SHISA9: variants seen among roughly 807,000 people sequenced by gnomAD.
SHISA9 encodes shisa family member 9, also known as protein shisa-9.
SHISA9 carries 13 observed loss-of-function variants against 38.0 expected under a neutral mutation model. That is an observed-to-expected ratio of 0.34 (90% confidence interval 0.22 to 0.54). The LOEUF is 0.54. Ranked by LOEUF, SHISA9 falls within the 20% of genes least tolerant of loss-of-function variation. The probability of loss-of-function intolerance (pLI) is 0.91; values close to 1 mark genes in which losing one functional copy is unlikely to be tolerated. For synonymous variants in SHISA9, 275 were observed against 242.0 expected (o/e 1.14, Z -1.27); for missense variants, 538 against 575.8 (o/e 0.93, Z 0.67).
At chr16:13,130,530 T>C (rs533276002) in intron 2 of SHISA9, among the ~76,000 whole-genome samples, 1 of 152,354 alleles carries the variant, frequency 6.6e-6, no homozygotes, top group South Asian at 2.1e-4. Context: ...ACTTCACATA[T>C]GTGATTTTAT....
chr16:13,345,855 C>A, the SHISA9 span, among the ~76,000 whole-genome samples: 13 of 152,104 alleles, frequency 8.5e-5, no homozygotes, highest in Admixed American at 7.9e-4. Flanking sequence ...TCATCAGTGA[C>A]ATTGGGCTTG....
the SHISA9 span, among the ~76,000 whole-genome samples, chr16:13,494,076 C>T: frequency 2.0e-5 from 3 of 152,066 alleles, no homozygotes; most frequent in Non-Finnish European, 4.4e-5. Context: ...AGAACTGAAG[C>T]GGGAAGAAAG....
chr16:13,326,979 C>T, the SHISA9 span, among the ~76,000 whole-genome samples: 8 of 152,178 alleles, frequency 5.3e-5, no homozygotes, highest in Non-Finnish European at 1.0e-4. Flanking sequence ...ACCTCCTCAA[C>T]ACCCACTGGC....
At chr16:13,393,746 G>A in the SHISA9 span, among the ~76,000 whole-genome samples, 1 of 152,170 alleles carries the variant, frequency 6.6e-6, no homozygotes, top group Non-Finnish European at 1.5e-5. Flanking sequence ...AGAGTCTGGA[G>A]GGAGTGATAC....
At chr16:13,245,864 T>C in the SHISA9 span, among the ~76,000 whole-genome samples, 7 of 152,132 alleles carry the variant, frequency 4.6e-5, no homozygotes, top group Non-Finnish European at 1.0e-4. Context: ...GAAAGACAAA[T>C]GTCCAAGGTT....
chr16:12,960,341 T>C (rs1270958517), intron 2 of SHISA9, among the ~76,000 whole-genome samples: 1 of 152,204 alleles, frequency 6.6e-6, no homozygotes, highest in Non-Finnish European at 1.5e-5. Flanking sequence ...GCAGGTTTGT[T>C]ATGTGGGTAA....
the SHISA9 span, among the ~76,000 whole-genome samples, chr16:13,311,106 AG>A: frequency 2.0e-5 from 3 of 152,144 alleles, no homozygotes; most frequent in Non-Finnish European, 4.4e-5. Flanking sequence ...TGCAGGGCCT[AG>A]AAGATACTCT....
At chr16:13,275,938 T>C in the SHISA9 span, among the ~76,000 whole-genome samples, 1 of 152,020 alleles carries the variant, frequency 6.6e-6, no homozygotes, top group Non-Finnish European at 1.5e-5. Flanking sequence ...AATTTAATTT[T>C]TCCATAATTT....
At chr16:13,305,402 G>A in the SHISA9 span, among the ~76,000 whole-genome samples, 1 of 152,158 alleles carries the variant, frequency 6.6e-6, no homozygotes, top group African/African-American at 2.4e-5. Flanking sequence ...ACTTCCTTGG[G>A]CTAGCCTAGG....
chr16:13,394,934 T>G, the SHISA9 span, among the ~76,000 whole-genome samples: 27 of 132,804 alleles, frequency 2.0e-4, no homozygotes, highest in African/African-American at 8.0e-4. Context: ...CTGGGGTGTG[T>G]GTGTGTGTGT....
In SHISA9 at chr16:12,973,862, G is replaced by T. The variant is rs528910231; in HGVS notation, c.691+57047G>T. On this transcript the variant is annotated intron_variant, in intron 2 of 4. Transcript: ENST00000558583. The stretch of plus-strand genomic sequence containing the variant: ...AATTGTCTGTATAGCCTCGAAAAAG[G>T]CTCTTCTCTTGTGTGGATATTATCT... 1.2e-4 allele frequency among the ~76,000 whole-genome samples: 18 copies of T among 152,304 alleles called. No individual in the cohort carries two copies. The South Asian group carries it at 2.7e-3, about 23-fold the overall frequency.
Position 12,916,853 on chromosome 16 carries a change from G to T in SHISA9, c.691+38G>T, listed in dbSNP as rs751814599. 3.2e-6 allele frequency: 5 copies of T among 1,545,420 alleles called. No individual in the cohort carries two copies. In the South Asian group the frequency reaches 4.8e-5, roughly 15 times the overall value. On this transcript the variant is annotated intron_variant, in intron 2 of 4. Coordinates refer to ENST00000558583, the MANE Select transcript of SHISA9 (RefSeq NM_001145204.3). ...GCATGAACCATTTCCAGTCCCATGG[G>T]GTGACCTGAGCAGTGGTCACATTGC...
At chr16:13,248,838 G>A in the SHISA9 span, among the ~76,000 whole-genome samples, 1 of 152,198 alleles carries the variant, frequency 6.6e-6, no homozygotes, top group African/African-American at 2.4e-5. Flanking sequence ...GATGGCAGAA[G>A]TTACGTAGAA....
At chr16:12,912,180 C>T (rs2071192958) in intron 1 of SHISA9, among the ~76,000 whole-genome samples, 1 of 151,262 alleles carries the variant, frequency 6.6e-6, no homozygotes, top group Non-Finnish European at 1.5e-5. Context: ...TTATGCAGTC[C>T]CTGGAGTGAG....
chr16:13,357,375 G>T, the SHISA9 span, among the ~76,000 whole-genome samples: 1 of 152,170 alleles, frequency 6.6e-6, no homozygotes, highest in Admixed American at 6.5e-5. Context: ...AGGAGAAAGA[G>T]GTTGAGGGAT....
At chr16:12,967,364 AC>A (rs760533647) in intron 2 of SHISA9, among the ~76,000 whole-genome samples, 4 of 152,076 alleles carry the variant, frequency 2.6e-5, no homozygotes, top group Non-Finnish European at 5.9e-5. Context: ...AACAATGAGA[AC>A]ACATGGACAC....
the SHISA9 span, among the ~76,000 whole-genome samples, chr16:13,323,722 G>A: frequency 2.0e-5 from 3 of 152,158 alleles, no homozygotes; most frequent in Non-Finnish European, 4.4e-5. Context: ...GCAAAGGGGG[G>A]AAGAGCCCCT....
chr16:13,452,760 C>T, the SHISA9 span, among the ~76,000 whole-genome samples: 1 of 151,916 alleles, frequency 6.6e-6, no homozygotes, highest in Non-Finnish European at 1.5e-5. Flanking sequence ...TTTGTACTTA[C>T]TCCACTGAGC....
At chr16:13,398,917 G>A in the SHISA9 span, among the ~76,000 whole-genome samples, 43 of 152,246 alleles carry the variant, frequency 2.8e-4, no homozygotes, top group South Asian at 8.5e-3. Flanking sequence ...AGTTCATTGG[G>A]TCATTCAGCA....
Sources: allele counts gnomAD v4.1 joint callset (sites outside exome capture counted in the v4.1 genomes callset), GRCh38; gene constraint gnomAD v4.1.1; transcripts MANE v1.5; gene names NCBI Gene and HGNC (gene_info 2026-07-23, HGNC 2026-07-21).